The following ASTN2 variants were observed in gnomAD, a reference collection of about 807,000 sequenced individuals.
ASTN2 encodes astrotactin-2.
ASTN2 carries 54 observed loss-of-function variants against 139.8 expected under a neutral mutation model. The ratio of observed to expected loss-of-function variants is 0.39; its 90% CI spans 0.31 to 0.48. The LOEUF (loss-of-function observed/expected upper bound fraction) is 0.48. Ranked by LOEUF, ASTN2 falls within the 20% of genes least tolerant of loss-of-function variation. The pLI is 0.95. For missense variants in ASTN2, 1,565 were observed against 1,725.1 expected, an observed-to-expected ratio of 0.91 and a Z score of 1.64; for synonymous variants, 756 against 719.5, an observed-to-expected ratio of 1.05 and a Z score of -0.81.
chr9:116,990,109 A>ATTTC (rs1475731323), intron 7 of ASTN2, among the ~76,000 whole-genome samples: 2 of 152,146 alleles, frequency 1.3e-5, no homozygotes, highest in Admixed American at 1.3e-4. Context: ...ATCCACTTTA[A>ATTTC]TTTCCTTATC....
intron 16 of ASTN2, among the ~76,000 whole-genome samples, chr9:116,653,111 C>T (rs927511537): frequency 3.9e-5 from 6 of 152,228 alleles, no homozygotes; most frequent in African/African-American, 1.4e-4. Flanking sequence ...AGATCAGGGG[C>T]CATGGCTCCC....
chr9:116,834,913 G>A (rs1402544322), intron 11 of ASTN2, among the ~76,000 whole-genome samples: 1 of 152,130 alleles, frequency 6.6e-6, no homozygotes, highest in African/African-American at 2.4e-5. Flanking sequence ...TCCAAGTATT[G>A]TGGTAAGTGC....
intron 2 of ASTN2, among the ~76,000 whole-genome samples, chr9:117,238,463 C>T (rs529288717): frequency 6.8e-4 from 104 of 152,318 alleles, no homozygotes; most frequent in Non-Finnish European, 1.3e-3. Context: ...AGATGATCTC[C>T]AAGGGTCCTC....
At position 116,440,810 on chromosome 9, in the gene ASTN2, CA is replaced by C; in HGVS notation, c.3599-19del. On this transcript the variant is annotated intron_variant, in intron 21 of 22. Transcript: ENST00000313400. The stretch of plus-strand genomic sequence containing the variant: ...AGCTATTTCTGAGAGGGCAGAAGGG[CA>C]GAAACAGATCACTGGGTGGTGAAAA... 1.2e-6 allele frequency: 2 copies of C among 1,605,474 alleles called. No individual in the cohort carries two copies. Among genetic ancestry groups the C allele is most frequent in the Non-Finnish European group, 1.7e-6 (2 of 1,173,050 alleles).
At chr9:116,685,366 G>C (rs768280505) in intron 16 of ASTN2, among the ~76,000 whole-genome samples, 22 of 152,110 alleles carry the variant, frequency 1.4e-4, no homozygotes, top group Non-Finnish European at 2.4e-4. Flanking sequence ...GAGATGACTT[G>C]AGTAATCATA....
intron 6 of ASTN2, among the ~76,000 whole-genome samples, chr9:117,035,348 T>G (rs1289744310): frequency 6.6e-6 from 1 of 152,176 alleles, no homozygotes; most frequent in Non-Finnish European, 1.5e-5. Context: ...CATAGAATTG[T>G]GCACTTTCCA....
chr9:117,212,009 C>T (rs1424226065), intron 3 of ASTN2, among the ~76,000 whole-genome samples: 1 of 152,090 alleles, frequency 6.6e-6, no homozygotes, highest in African/African-American at 2.4e-5. Context: ...TACTACAAAG[C>T]TGTAGTAACC....
At chr9:117,130,183 C>T (rs1829794692) in intron 4 of ASTN2, among the ~76,000 whole-genome samples, 1 of 152,100 alleles carries the variant, frequency 6.6e-6, no homozygotes, top group South Asian at 2.1e-4. Context: ...GTGGCATGCA[C>T]TTGTGGTCTT....
intron 1 of ASTN2, among the ~76,000 whole-genome samples, chr9:117,326,763 G>A (rs896698857): frequency 6.6e-6 from 1 of 152,180 alleles, no homozygotes; most frequent in Non-Finnish European, 1.5e-5. Context: ...AGTGCCAAGA[G>A]AGAGTATCTT....
rs57433960 is a variant in ASTN2 at position 116,789,920 on chromosome 9, C to CTTTT, written c.2396+15708_2396+15711dup. Among the ~76,000 whole-genome samples, 606 of 93,312 alleles carry CTTTT rather than the reference C, an allele frequency of 6.5e-3. 9 individuals are homozygous for CTTTT. The highest frequency in any genetic ancestry group is 0.016 in the African/African-American group (375 of 23,774). The allele number at this position is 93,312 out of a possible 152,430, so 61.2% of individuals were successfully genotyped here. A position where few individuals can be genotyped will look rare whatever the true frequency, so the allele number is the denominator to read the frequency against. The stretch of plus-strand genomic sequence containing the variant: ...ATCTTAACCTGACTTTTCTCTTTCT[C>CTTTT]TTTTTTTTTTTTTTTTTTTTTTTGA... On this transcript the variant is annotated intron_variant, in intron 13 of 22. Transcript: ENST00000313400.
At chr9:116,782,529 G>A (rs1830246364) in intron 13 of ASTN2, among the ~76,000 whole-genome samples, 1 of 152,012 alleles carries the variant, frequency 6.6e-6, no homozygotes, top group South Asian at 2.1e-4. Context: ...ACCTCCCTGG[G>A]GACTGCCACC....
intron 10 of ASTN2, among the ~76,000 whole-genome samples, chr9:116,875,802 A>T (rs1234149459): frequency 6.6e-6 from 1 of 152,238 alleles, no homozygotes; most frequent in Non-Finnish European, 1.5e-5. Context: ...CTATAAATAG[A>T]ACAGCAAAGC....
chr9:117,178,496 C>T (rs1377491644), intron 3 of ASTN2, among the ~76,000 whole-genome samples: 1 of 152,144 alleles, frequency 6.6e-6, no homozygotes, highest in Non-Finnish European at 1.5e-5. Context: ...GATATATGTC[C>T]AACAGGAGAG....
At position 116,975,224 on chromosome 9, in the gene ASTN2, C is replaced by T. The variant is rs368202420; in HGVS notation, c.1873G>A (p.Asp625Asn). 10 of 1,611,936 alleles carry T rather than the reference C, an allele frequency of 6.2e-6. No homozygotes were observed. In the African/African-American group the frequency reaches 1.2e-4, roughly 19 times the overall value. ...SCKTDVLVTE[D>N]PADVREEAML... The stretch of plus-strand genomic sequence containing the variant: ...ATTCCCTACCTGACATCTGCAGGGT[C>T]TTCCGTGACGAGCACATCGGTCTTG... The change falls in exon 10 of 23, where the codon GAC (aspartate) becomes AAC (asparagine). Residue 625 changes from aspartate to asparagine, a missense_variant. Asp to Asn is a conservative substitution (Grantham distance 23). This residue lies in a region of ASTN2 where 503 missense variants were observed against 591.7 expected (regional missense o/e 0.85). Transcript: ENST00000313400.
chr9:116,818,500 G>GT (rs889570219), intron 12 of ASTN2, among the ~76,000 whole-genome samples: 84 of 151,670 alleles, frequency 5.5e-4, no homozygotes, highest in African/African-American at 1.6e-3. Context: ...TTTGTTTTTT[G>GT]TTTTTTTTGT....
intron 10 of ASTN2, among the ~76,000 whole-genome samples, chr9:116,897,093 C>G (rs1588392797): frequency 1.3e-5 from 2 of 152,268 alleles, no homozygotes; most frequent in Admixed American, 1.3e-4. Flanking sequence ...TGGATTGTGC[C>G]TAAGGCCATC....
At chr9:117,334,249 C>T (rs1040374194) in intron 1 of ASTN2, among the ~76,000 whole-genome samples, 1 of 152,110 alleles carries the variant, frequency 6.6e-6, no homozygotes, top group Non-Finnish European at 1.5e-5. Context: ...GATAAAAGGG[C>T]TGGCATATGA....
intron 3 of ASTN2, among the ~76,000 whole-genome samples, chr9:117,182,842 G>C (rs1297868287): frequency 1.3e-5 from 2 of 152,050 alleles, no homozygotes; most frequent in Admixed American, 1.3e-4. Context: ...AGCCACATTG[G>C]CCTTCTAGGC....
At chr9:116,616,077 C>A (rs1855837711) in intron 19 of ASTN2, among the ~76,000 whole-genome samples, 1 of 152,020 alleles carries the variant, frequency 6.6e-6, no homozygotes, top group African/African-American at 2.4e-5. Context: ...ACAAGTAATA[C>A]ATAAATAAAT....
Sources: allele counts gnomAD v4.1 joint callset (sites outside exome capture counted in the v4.1 genomes callset), GRCh38; gene constraint gnomAD v4.1.1; regional missense constraint gnomAD v4.1.1; transcripts MANE v1.5; gene names NCBI Gene and HGNC (gene_info 2026-07-23, HGNC 2026-07-21).